Variants in LIMD1 observed in about 807,000 individuals in gnomAD.
LIMD1 encodes the protein LIM domain-containing protein 1.
LIMD1 carries 23 observed loss-of-function variants against 58.4 expected under a neutral mutation model. That is an observed-to-expected ratio of 0.39 (90% CI 0.28 to 0.56). The LOEUF (loss-of-function observed/expected upper bound fraction) is 0.56, where lower values mean the gene tolerates loss of function less well. LIMD1 is among the 20% of genes least tolerant of loss of function. The pLI is 0.57. For synonymous variants in LIMD1, 334 were observed against 345.5 expected, an observed-to-expected ratio of 0.97 and a Z score of 0.37; for missense variants, 838 against 855.5, an observed-to-expected ratio of 0.98 and a Z score of 0.25.
chr3:45,595,997 G>A lies in LIMD1; in HGVS notation c.1118G>A (p.Gly373Asp). 1 of 1,614,208 alleles carries A rather than the reference G, an allele frequency of 6.2e-7. No homozygotes were observed. Among genetic ancestry groups the A allele is most frequent in the African/African-American group, 1.3e-5 (1 of 75,066 alleles). The change falls in exon 1 of 8, where the codon GGC (glycine) becomes GAC (aspartate). Residue 373 changes from glycine (G) to aspartate (D), a missense_variant. This residue lies in a region of LIMD1 where 659 missense variants were observed against 639.8 expected (regional missense o/e 1.03). Coordinates refer to ENST00000273317, the MANE Select transcript of LIMD1 (RefSeq NM_014240.3). ...GTCCCTGGGCTGGGGCCGAAGCCTG[G>A]CTGCACAGACCTTGGCACTGGTCCC... ...GAVPGLGPKP[G>D]CTDLGTGPKL...
chr3:45,595,761 C>T lies in LIMD1; in HGVS notation c.882C>T (p.Thr294=), dbSNP rs267237. The stretch of plus-strand genomic sequence containing the variant: ...CTGTGGGGCCTGTTCAGCCCAGGAC[C>T]CCTTCTGTGTCAGCACCCTTGGCCC... ...APAVGPVQPR[T]PSVSAPLALS... The change falls in exon 1 of 8, where the codon ACC becomes ACT. Residue 294 remains threonine, a synonymous_variant. Coordinates refer to ENST00000273317, the MANE Select transcript of LIMD1 (RefSeq NM_014240.3). The T allele has an allele frequency of 0.59, 958,224 of 1,613,876 alleles. 288,544 individuals are homozygous for T. The highest frequency in any genetic ancestry group is 0.91 in the East Asian group (40,995 of 44,874).
At chr3:45,665,799 G>C (rs755270029) in intron 3 of LIMD1, 82 bp downstream of exon 3, 24 of 1,179,852 alleles carry the variant, frequency 2.0e-5, no homozygotes, top group Non-Finnish European at 2.6e-5. Flanking sequence ...GGGCCAGCGT[G>C]TAGGGAAGCT....
intron 1 of LIMD1, among the ~76,000 whole-genome samples, chr3:45,609,901 T>C (rs1215319603): frequency 1.3e-5 from 2 of 152,048 alleles, no homozygotes; most frequent in African/African-American, 4.8e-5. Context: ...CAGTGGAAAC[T>C]TACTGAATGA....
chr3:45,635,268 G>T (rs919217787), intron 1 of LIMD1, among the ~76,000 whole-genome samples: 2 of 151,978 alleles, frequency 1.3e-5, no homozygotes, highest in African/African-American at 2.4e-5. Context: ...TCTCTCGATG[G>T]ATGATCTCCC....
chr3:45,673,540 T>C, intron 6 of LIMD1, 35 bp downstream of exon 6: 1 of 1,528,450 alleles, frequency 6.5e-7, no homozygotes, highest in Non-Finnish European at 9.1e-7. Flanking sequence ...CCCAGGGGCT[T>C]CTAAGACATG....
Position 45,653,710 on chromosome 3 carries a change from G to T in LIMD1, c.1511-11940G>T, listed in dbSNP as rs181789823. 1.5e-4 allele frequency among the ~76,000 whole-genome samples: 23 copies of T among 152,120 alleles called. No homozygotes were observed. In the East Asian group the frequency reaches 1.7e-3, roughly 12 times the overall value. On this transcript the variant is annotated intron_variant, in intron 2 of 7. Transcript: ENST00000273317. ...AGATCACCTGAGGTCAGGAATTCAA[G>T]ACCAACCTGGCCAACATGGTGAAAC...
At chr3:45,633,090 C>T (rs1701751733) in intron 1 of LIMD1, among the ~76,000 whole-genome samples, 1 of 152,162 alleles carries the variant, frequency 6.6e-6, no homozygotes, top group Non-Finnish European at 1.5e-5. Flanking sequence ...AATGCTGATG[C>T]CTCTGAATTA....
chr3:45,628,848 G>T (rs1478417625), intron 1 of LIMD1, among the ~76,000 whole-genome samples: 1 of 152,206 alleles, frequency 6.6e-6, no homozygotes, highest in Admixed American at 6.5e-5. Flanking sequence ...AGCTCCTGCT[G>T]CATGTAACAG....
At chr3:45,612,932 A>G (rs914055901) in intron 1 of LIMD1, 7 of 152,218 alleles carry the variant, frequency 4.6e-5, no homozygotes, top group South Asian at 4.1e-4. Context: ...CCTGACGCCT[A>G]TCTTCCCAGC....
At position 45,595,343 on chromosome 3, in the gene LIMD1, C is replaced by G; in HGVS notation, c.464C>G (p.Ala155Gly). 1.9e-6 allele frequency: 3 copies of G among 1,613,610 alleles called. No individual in the cohort carries two copies. Among genetic ancestry groups the G allele is most frequent in the Non-Finnish European group, 2.5e-6 (3 of 1,180,030 alleles). Reference protein sequence around the residue: ...SQDCGSRESLATSEMSAFHQP... With the variant: ...SQDCGSRESLGTSEMSAFHQP... ...GACTGTGGTTCCAGGGAGAGCCTGG[C>G]GACTTCTGAGATGTCTGCTTTCCAC... The change falls in exon 1 of 8, where the codon GCG (alanine) becomes GGG (glycine). Residue 155 changes from alanine to glycine, a missense_variant. By Grantham distance (60) the Ala-to-Gly change is moderately conservative. Transcript: ENST00000273317.
intron 1 of LIMD1, among the ~76,000 whole-genome samples, chr3:45,624,426 G>T (rs113507879): frequency 3.9e-5 from 6 of 152,082 alleles, no homozygotes; most frequent in Non-Finnish European, 7.4e-5. Context: ...GCTTTCCATC[G>T]GCCAGGCGCG....
Position 45,668,288 on chromosome 3 carries a change from C to T in LIMD1, c.1579-6C>T, listed in dbSNP as rs1697543734. On this transcript the variant is annotated splice_region_variant and splice_polypyrimidine_tract_variant and intron_variant, in intron 3 of 7. Transcript: ENST00000273317. ...GGTTTAACTTTCTTTTCTTTTTCTTCTGCAGTACTCTGGTTTCCAGCAGTC... is the reference window on the plus strand; with the variant it reads ...GGTTTAACTTTCTTTTCTTTTTCTTTTGCAGTACTCTGGTTTCCAGCAGTC... 5 of 1,610,502 alleles carry T rather than the reference C, an allele frequency of 3.1e-6. No individual in the cohort carries two copies. Among genetic ancestry groups the T allele is most frequent in the East Asian group, 2.2e-5 (1 of 44,846 alleles).
chr3:45,667,254 G>A (rs1460738537), intron 3 of LIMD1, among the ~76,000 whole-genome samples: 1 of 152,180 alleles, frequency 6.6e-6, no homozygotes, highest in Non-Finnish European at 1.5e-5. Flanking sequence ...TAACAGTGCT[G>A]GAGGAATGCA....
At chr3:45,597,286 G>C (rs1701367444) in intron 1 of LIMD1, among the ~76,000 whole-genome samples, 1 of 152,154 alleles carries the variant, frequency 6.6e-6, no homozygotes, top group South Asian at 2.1e-4. Flanking sequence ...ATGGGACCCA[G>C]CCAGCCGTGA....
chr3:45,655,007 C>A (rs1264851970), intron 2 of LIMD1, among the ~76,000 whole-genome samples: 1 of 151,098 alleles, frequency 6.6e-6, no homozygotes, highest in East Asian at 2.0e-4. Context: ...GCAACCTCTG[C>A]CACCCGGGTT....
At chr3:45,611,131 C>T (rs938567839) in intron 1 of LIMD1, among the ~76,000 whole-genome samples, 2 of 152,236 alleles carry the variant, frequency 1.3e-5, no homozygotes, top group Non-Finnish European at 2.9e-5. Context: ...TTCTCAAAAG[C>T]ATGGAAGCGT....
intron 1 of LIMD1, among the ~76,000 whole-genome samples, chr3:45,631,379 G>T (rs2012762): frequency 0.72 from 109,137 of 151,948 alleles, 40,236 homozygotes; most frequent in East Asian, 0.94. Flanking sequence ...AATGTGAAAT[G>T]CAGTTTTTTT....
intron 1 of LIMD1, among the ~76,000 whole-genome samples, chr3:45,609,489 T>A (rs1489330738): frequency 6.6e-6 from 1 of 152,162 alleles, no homozygotes; most frequent in Non-Finnish European, 1.5e-5. Context: ...GATACAGGCA[T>A]GTGCCACCGC....
At chr3:45,629,801 G>A (rs542392393) in intron 1 of LIMD1, among the ~76,000 whole-genome samples, 6 of 152,312 alleles carry the variant, frequency 3.9e-5, no homozygotes, top group African/African-American at 7.2e-5. Flanking sequence ...TGGGGCAGTC[G>A]GAGGAGAGCC....
Sources: allele counts gnomAD v4.1 joint callset (sites outside exome capture counted in the v4.1 genomes callset), GRCh38; gene constraint gnomAD v4.1.1; regional missense constraint gnomAD v4.1.1; transcripts MANE v1.5; gene names NCBI Gene and HGNC (gene_info 2026-07-23, HGNC 2026-07-21).